The following EPHA6 variants were observed in gnomAD, a reference collection of about 807,000 sequenced individuals.
EPHA6 encodes the protein ephrin type-A receptor 6.
A neutral mutation model predicts 112.0 loss-of-function variants in EPHA6; 50 were observed. The observed-to-expected ratio is 0.45, with a 90% CI of 0.36 to 0.56. The LOEUF is 0.56. EPHA6 is among the 20% of genes least tolerant of loss of function. EPHA6 has a pLI of 0.00. For missense variants in EPHA6, 1,280 were observed against 1,417.4 expected (o/e 0.90, Z 1.56); for synonymous variants, 529 against 490.7 (o/e 1.08, Z -1.03).
intron 2 of EPHA6, among the ~76,000 whole-genome samples, chr3:96,979,692 C>A (rs1286427943): frequency 6.6e-6 from 1 of 152,152 alleles, no homozygotes; most frequent in East Asian, 1.9e-4. Context: ...TCCTATTTCT[C>A]CACATCCTCT....
In EPHA6 at chr3:97,128,872, C is replaced by CTT. The variant is rs377407255; in HGVS notation, c.1115-97374_1115-97373dup. ...TCTTCTACTACCTGAATTTTTATGT[C>CTT]TTTTTTTTTTTTTTTTTTTGAGACA... On this transcript the variant is annotated intron_variant, in intron 3 of 17. Coordinates refer to ENST00000389672, the MANE Select transcript of EPHA6 (RefSeq NM_001080448.3). Among the ~76,000 whole-genome samples, 467 of 117,512 alleles carry CTT rather than the reference C, an allele frequency of 4.0e-3. 13 individuals carry two copies. The highest frequency in any genetic ancestry group is 9.8e-3 in the African/African-American group (296 of 30,236). The allele number at this position is 117,512 out of a possible 152,430, so 77.1% of individuals were successfully genotyped here. A position where few individuals can be genotyped will look rare whatever the true frequency, so the allele number is the denominator to read the frequency against.
At chr3:97,212,790 G>T (rs1202473914) in intron 3 of EPHA6, among the ~76,000 whole-genome samples, 2 of 152,048 alleles carry the variant, frequency 1.3e-5, no homozygotes, top group Non-Finnish European at 2.9e-5. Context: ...ACTTACCTGA[G>T]TTTGCCAGTA....
intron 17 of EPHA6, among the ~76,000 whole-genome samples, chr3:97,747,808 A>G (rs568562913): frequency 2.0e-5 from 3 of 152,208 alleles, no homozygotes; most frequent in East Asian, 3.9e-4. Flanking sequence ...TCTAAAATGC[A>G]TGTTACTCTC....
Position 97,090,185 on chromosome 3 carries a change from G to A in EPHA6, c.1114+102192G>A, listed in dbSNP as rs1042433238. On this transcript the variant is annotated intron_variant, in intron 3 of 17. Coordinates refer to ENST00000389672, the MANE Select transcript of EPHA6 (RefSeq NM_001080448.3). ...TTAATTTAGTTGTAATAAGCTATTC[G>A]TTTCCTCATGTATTGCAAACTGTTT... 4.6e-5 allele frequency among the ~76,000 whole-genome samples: 7 copies of A among 151,852 alleles called. No individual in the cohort carries two copies. The South Asian group carries it at 8.3e-4, about 18-fold the overall frequency.
chr3:97,582,143 C>T (rs552396005), intron 11 of EPHA6, among the ~76,000 whole-genome samples: 24 of 152,236 alleles, frequency 1.6e-4, no homozygotes, highest in African/African-American at 5.3e-4. Context: ...AATTCTCCTG[C>T]CTCAGCCTCC....
At chr3:96,944,246 T>C (rs1249561947) in intron 2 of EPHA6, among the ~76,000 whole-genome samples, 1 of 152,222 alleles carries the variant, frequency 6.6e-6, no homozygotes, top group Non-Finnish European at 1.5e-5. Flanking sequence ...AACCCTCATC[T>C]TACATGATTT....
chr3:96,851,018 GT>G (rs1166297688), intron 1 of EPHA6, among the ~76,000 whole-genome samples: 2 of 152,090 alleles, frequency 1.3e-5, no homozygotes, highest in Non-Finnish European at 2.9e-5. Flanking sequence ...ACTATGTGAT[GT>G]AGTTAGAGGA....
chr3:97,652,915 A>G (rs2094116598), intron 14 of EPHA6, among the ~76,000 whole-genome samples: 1 of 152,018 alleles, frequency 6.6e-6, no homozygotes, highest in South Asian at 2.1e-4. Context: ...TGATATAGTA[A>G]TCAACAAATA....
At chr3:96,914,109 A>G (rs1398183457) in intron 2 of EPHA6, among the ~76,000 whole-genome samples, 1 of 152,170 alleles carries the variant, frequency 6.6e-6, no homozygotes, top group East Asian at 1.9e-4. Context: ...CTGCATTTCA[A>G]CTTTCAAATT....
chr3:97,585,276 C>T (rs886337437), intron 11 of EPHA6, among the ~76,000 whole-genome samples: 1 of 152,064 alleles, frequency 6.6e-6, no homozygotes, highest in Non-Finnish European at 1.5e-5. Flanking sequence ...TTTAAAAAGT[C>T]GAAGAACTTC....
chr3:97,413,438 C>A (rs1369717584), intron 6 of EPHA6, among the ~76,000 whole-genome samples: 3 of 151,730 alleles, frequency 2.0e-5, no homozygotes, highest in South Asian at 2.1e-4. Flanking sequence ...TGAGGCAGAT[C>A]GTTACATTCG....
At chr3:97,161,903 G>C (rs745636196) in intron 3 of EPHA6, among the ~76,000 whole-genome samples, 3 of 152,184 alleles carry the variant, frequency 2.0e-5, no homozygotes, top group Non-Finnish European at 4.4e-5. Context: ...CATGAGGCTG[G>C]AGAGATGATG....
intron 14 of EPHA6, among the ~76,000 whole-genome samples, chr3:97,683,403 G>A (rs1216240802): frequency 6.6e-6 from 1 of 151,978 alleles, no homozygotes; most frequent in African/African-American, 2.4e-5. Context: ...AAAAATTACA[G>A]AAAATAAACA....
chr3:96,900,607 T>C (rs971312443), intron 2 of EPHA6, among the ~76,000 whole-genome samples: 3 of 152,208 alleles, frequency 2.0e-5, no homozygotes, highest in Admixed American at 6.5e-5. Flanking sequence ...AATACGGCTG[T>C]GACAGCAAGC....
intron 7 of EPHA6, among the ~76,000 whole-genome samples, chr3:97,456,982 G>A (rs1051339358): frequency 3.3e-5 from 5 of 152,096 alleles, no homozygotes; most frequent in African/African-American, 7.2e-5. Flanking sequence ...CAGCTTTATT[G>A]ACTTGTATTT....
At position 97,669,261 on chromosome 3, in the gene EPHA6, G is replaced by GT. The variant is rs932649465; in HGVS notation, c.2784+31189dup. 1.3e-3 allele frequency among the ~76,000 whole-genome samples: 185 copies of GT among 144,308 alleles called. 6 individuals carry two copies. The East Asian group carries it at 0.022, about 17-fold the overall frequency. The allele number at this position is 144,308 out of a possible 152,430, so 94.7% of individuals were successfully genotyped here. A position where few individuals can be genotyped will look rare whatever the true frequency, so the allele number is the denominator to read the frequency against. ...GACCTCCTCTTTTACTTTCTGTTTT[G>GT]TTTTTTTTTTCTAATATATATACCC... On this transcript the variant is annotated intron_variant, in intron 14 of 17. Coordinates refer to ENST00000389672, the MANE Select transcript of EPHA6 (RefSeq NM_001080448.3).
At chr3:97,430,498 G>A (rs1196514684) in intron 6 of EPHA6, among the ~76,000 whole-genome samples, 2 of 151,922 alleles carry the variant, frequency 1.3e-5, no homozygotes, top group Non-Finnish European at 2.9e-5. Context: ...ACCTCTGCTA[G>A]GTACTATAGA....
At chr3:96,980,409 A>G (rs1038585583) in intron 2 of EPHA6, among the ~76,000 whole-genome samples, 35 of 152,202 alleles carry the variant, frequency 2.3e-4, no homozygotes, top group Middle Eastern at 3.4e-3. Context: ...CCATTGGTCT[A>G]TATCTCTGTT....
intron 14 of EPHA6, among the ~76,000 whole-genome samples, chr3:97,644,092 C>T (rs1576182333): frequency 6.6e-6 from 1 of 151,888 alleles, no homozygotes; most frequent in East Asian, 1.9e-4. Context: ...AACTATCTCT[C>T]AGACCACAGT....
Sources: allele counts gnomAD v4.1 joint callset (sites outside exome capture counted in the v4.1 genomes callset), GRCh38; gene constraint gnomAD v4.1.1; transcripts MANE v1.5; gene names NCBI Gene and HGNC (gene_info 2026-07-23, HGNC 2026-07-21).